Variants in ARHGAP15 observed in about 807,000 individuals in gnomAD.
The protein encoded by ARHGAP15 is rho GTPase-activating protein 15.
ARHGAP15 carries 51 observed loss-of-function variants against 63.7 expected under a neutral mutation model. That is an observed-to-expected ratio of 0.80 (90% CI 0.64 to 1.01). The LOEUF is 1.01. Among genes scored for constraint, ARHGAP15 ranks in the 50% least tolerant of loss-of-function variants. The probability of loss-of-function intolerance (pLI) is 0.00; values close to 1 mark genes in which losing one functional copy is unlikely to be tolerated. For missense variants in ARHGAP15, 560 were observed against 564.6 expected, an observed-to-expected ratio of 0.99 and a Z score of 0.08; for synonymous variants, 191 against 193.8, an observed-to-expected ratio of 0.99 and a Z score of 0.12.
intron 6 of ARHGAP15, among the ~76,000 whole-genome samples, chr2:143,431,931 C>A (rs1290540881): frequency 1.3e-5 from 2 of 152,036 alleles, no homozygotes; most frequent in African/African-American, 2.4e-5. Flanking sequence ...TTATCTCTTA[C>A]ATCTTTGGTA....
At chr2:143,485,693 G>T (rs1247141159) in intron 8 of ARHGAP15, among the ~76,000 whole-genome samples, 1 of 152,048 alleles carries the variant, frequency 6.6e-6, no homozygotes, top group Non-Finnish European at 1.5e-5. Context: ...CGTGCTGCTG[G>T]CATATTGTGG....
intron 13 of ARHGAP15, 153 bp downstream of exon 13, chr2:143,703,677 A>C: frequency 1.7e-6 from 1 of 593,870 alleles, no homozygotes; most frequent in Non-Finnish European, 2.9e-6. Flanking sequence ...AAGCTGGAGA[A>C]TGTGTTAGGG....
intron 6 of ARHGAP15, among the ~76,000 whole-genome samples, chr2:143,274,040 T>C (rs932896238): frequency 6.6e-6 from 1 of 152,226 alleles, no homozygotes; most frequent in Non-Finnish European, 1.5e-5. Context: ...TGGCCATCCA[T>C]TTTATTGTAA....
intron 11 of ARHGAP15, among the ~76,000 whole-genome samples, chr2:143,599,171 T>C (rs569774261): frequency 6.6e-6 from 1 of 152,202 alleles, no homozygotes; most frequent in Non-Finnish European, 1.5e-5. Context: ...TCTGGAAGAA[T>C]TGTTTGCTAT....
chr2:143,399,173 C>T (rs1424312250), intron 6 of ARHGAP15, among the ~76,000 whole-genome samples: 1 of 152,048 alleles, frequency 6.6e-6, no homozygotes, highest in African/African-American at 2.4e-5. Flanking sequence ...GACTGAGGTA[C>T]TGCCCAGATA....
In ARHGAP15 at chr2:143,755,560, T is replaced by C. The variant is rs180847001; in HGVS notation, c.1245-12429T>C. 1.9e-4 allele frequency among the ~76,000 whole-genome samples: 29 copies of C among 152,288 alleles called. No homozygotes were observed. In the East Asian group the frequency reaches 5.4e-3, roughly 28 times the overall value. ...GAGTCATGACTTCCCTAAATATTCT[T>C]TCCCCCCTGCTAACCAAACACCTTC... On this transcript the variant is annotated intron_variant, in intron 13 of 13. Transcript: ENST00000295095.
intron 1 of ARHGAP15, among the ~76,000 whole-genome samples, chr2:143,139,393 T>C (rs1689272654): frequency 6.6e-6 from 1 of 152,142 alleles, no homozygotes; most frequent in Non-Finnish European, 1.5e-5. Context: ...ATGGTCACTA[T>C]TGGTCATCTA....
At chr2:143,347,814 ATTT>A (rs11351121) in intron 6 of ARHGAP15, among the ~76,000 whole-genome samples, 68 of 140,440 alleles carry the variant, frequency 4.8e-4, no homozygotes, top group African/African-American at 1.0e-3. Context: ...TGACTTCGTG[ATTT>A]TTTTTTTTTT....
At chr2:143,469,297 G>C (rs571484706) in intron 8 of ARHGAP15, among the ~76,000 whole-genome samples, 1 of 152,122 alleles carries the variant, frequency 6.6e-6, no homozygotes, top group Non-Finnish European at 1.5e-5. Context: ...ATAAAGCAGC[G>C]CTTGAAAATG....
At chr2:143,524,277 C>A (rs539254995) in intron 10 of ARHGAP15, among the ~76,000 whole-genome samples, 12 of 152,102 alleles carry the variant, frequency 7.9e-5, no homozygotes, top group African/African-American at 2.4e-4. Context: ...TTTAAAGAAA[C>A]AAGGAGGCTG....
chr2:143,730,932 T>TC (rs1685502961), intron 13 of ARHGAP15, among the ~76,000 whole-genome samples: 1 of 2,564 alleles, frequency 3.9e-4, no homozygotes, highest in African/African-American at 1.4e-3. Flanking sequence ...AAAAAGGCTT[T>TC]TTTTTTTTTT....
intron 6 of ARHGAP15, among the ~76,000 whole-genome samples, chr2:143,288,764 C>T (rs890159110): frequency 4.6e-5 from 7 of 151,118 alleles, no homozygotes; most frequent in African/African-American, 1.5e-4. Flanking sequence ...TTAAAGGTGC[C>T]ATCTCAGCAG....
chr2:143,314,282 T>C (rs1323341827), intron 6 of ARHGAP15, among the ~76,000 whole-genome samples: 1 of 152,202 alleles, frequency 6.6e-6, no homozygotes, highest in Admixed American at 6.5e-5. Flanking sequence ...AAAAATTACA[T>C]TTCTCATCCA....
chr2:143,152,727 A>G (rs749675697), intron 1 of ARHGAP15, among the ~76,000 whole-genome samples: 1 of 152,026 alleles, frequency 6.6e-6, no homozygotes, highest in Non-Finnish European at 1.5e-5. Context: ...ATAGAAGAAC[A>G]ATTATGAAAT....
chr2:143,332,191 G>C (rs1388224422), intron 6 of ARHGAP15, among the ~76,000 whole-genome samples: 1 of 152,098 alleles, frequency 6.6e-6, no homozygotes, highest in East Asian at 1.9e-4. Context: ...CTGGGAACTG[G>C]TTATACAAAT....
At chr2:143,724,257 C>G (rs138295351) in intron 13 of ARHGAP15, among the ~76,000 whole-genome samples, 64 of 152,296 alleles carry the variant, frequency 4.2e-4, no homozygotes, top group Non-Finnish European at 6.9e-4. Flanking sequence ...GTTTATGACT[C>G]TAACCGTGTC....
intron 1 of ARHGAP15, among the ~76,000 whole-genome samples, chr2:143,151,491 G>C (rs1361589165): frequency 1.3e-5 from 2 of 151,930 alleles, no homozygotes. Context: ...TCAGTTAAAT[G>C]CTTCCTTGAG....
chr2:143,218,277 C>CTTTTTTTTTTTTTTTT (rs762494225), intron 4 of ARHGAP15, among the ~76,000 whole-genome samples: 57 of 92,044 alleles, frequency 6.2e-4, no homozygotes, highest in Middle Eastern at 0.013. Context: ...TTTAGTTTTC[C>CTTTTTTTTTTTTTTTT]TTTTTTTTTT....
chr2:143,236,147 T>C (rs1225431774), intron 5 of ARHGAP15: 4 of 725,852 alleles, frequency 5.5e-6, no homozygotes, highest in African/African-American at 1.8e-5. Flanking sequence ...TTGTTTTGTT[T>C]TGTTTTTACA....
Sources: allele counts gnomAD v4.1 joint callset (sites outside exome capture counted in the v4.1 genomes callset), GRCh38; gene constraint gnomAD v4.1.1; transcripts MANE v1.5; gene names NCBI Gene and HGNC (gene_info 2026-07-23, HGNC 2026-07-21).